ANO3: variants seen among roughly 807,000 people sequenced by gnomAD.
ANO3 encodes anoctamin 3.
Under a neutral mutation model 144.8 loss-of-function variants are expected in ANO3, and 99 were observed. That is an observed-to-expected ratio of 0.68 (90% CI 0.58 to 0.81). The LOEUF is 0.81. ANO3 is among the 30% of genes least tolerant of loss of function. The pLI, the probability that ANO3 is intolerant of heterozygous loss-of-function variation, is 0.00. For missense variants in ANO3, 905 were observed against 1,202.2 expected (o/e 0.75, Z 3.66); for synonymous variants, 414 against 392.6 (o/e 1.05, Z -0.64).
chr11:26,297,138 G>T (rs563583778), intron 1 of ANO3, among the ~76,000 whole-genome samples: 115 of 151,888 alleles, frequency 7.6e-4, no homozygotes, highest in Non-Finnish European at 1.4e-3. Flanking sequence ...CACTGATTGT[G>T]TTCTTTCTTC....
At chr11:26,634,353 A>G (rs1257374861) in intron 19 of ANO3, 38 bp downstream of exon 19, 1 of 1,313,288 alleles carries the variant, frequency 7.6e-7, no homozygotes, top group Non-Finnish European at 1.1e-6. Flanking sequence ...CGCAGAGTGA[A>G]AAACACAGTC....
At chr11:26,272,494 T>C (rs960600084) in intron 1 of ANO3, among the ~76,000 whole-genome samples, 2 of 152,184 alleles carry the variant, frequency 1.3e-5, no homozygotes, top group African/African-American at 4.8e-5. Flanking sequence ...AAGACATACC[T>C]ATAGACTCTA....
At chr11:26,470,210 GA>G (rs1255361965) in intron 4 of ANO3, among the ~76,000 whole-genome samples, 1 of 151,788 alleles carries the variant, frequency 6.6e-6, no homozygotes, top group Non-Finnish European at 1.5e-5. Context: ...AGGAGTTTGA[GA>G]ACAGGCTGAG....
chr11:26,375,173 C>G (rs569344924), intron 1 of ANO3, among the ~76,000 whole-genome samples: 1 of 152,188 alleles, frequency 6.6e-6, no homozygotes, highest in Non-Finnish European at 1.5e-5. Context: ...GATCATCAGA[C>G]ATTAGATTCT....
chr11:26,325,637 C>T (rs1262899446), intron 1 of ANO3, among the ~76,000 whole-genome samples: 1 of 152,104 alleles, frequency 6.6e-6, no homozygotes, highest in Admixed American at 6.6e-5. Flanking sequence ...CTATTTGTCC[C>T]TTCATTATAT....
intron 4 of ANO3, among the ~76,000 whole-genome samples, chr11:26,473,706 T>C (rs1859861408): frequency 6.6e-6 from 1 of 151,860 alleles, no homozygotes; most frequent in African/African-American, 2.4e-5. Context: ...ATACAATAGA[T>C]TATTAATAAT....
intron 14 of ANO3, among the ~76,000 whole-genome samples, chr11:26,597,724 C>T (rs1305955927): frequency 6.6e-6 from 1 of 152,068 alleles, no homozygotes; most frequent in Non-Finnish European, 1.5e-5. Context: ...TAGTTGTGTC[C>T]ACAAAGTCTT....
chr11:26,556,431 G>A (rs1453543768), intron 13 of ANO3, among the ~76,000 whole-genome samples: 1 of 151,774 alleles, frequency 6.6e-6, no homozygotes, highest in African/African-American at 2.4e-5. Flanking sequence ...AACAGAAGTA[G>A]GAGAGAAGCT....
chr11:26,537,340 C>A (rs1043136731), intron 9 of ANO3, 66 bp from the exon 10 acceptor site: 33 of 1,261,110 alleles, frequency 2.6e-5, no homozygotes, highest in Non-Finnish European at 3.6e-5. Context: ...CCGTATATTT[C>A]TGTTGCTTCA....
At chr11:26,534,916 C>T (rs1389528788) in intron 9 of ANO3, among the ~76,000 whole-genome samples, 1 of 152,122 alleles carries the variant, frequency 6.6e-6, no homozygotes, top group African/African-American at 2.4e-5. Context: ...AAATACCTTA[C>T]GTGTCCATGC....
intron 1 of ANO3, among the ~76,000 whole-genome samples, chr11:26,268,132 C>T (rs970342570): frequency 2.6e-5 from 4 of 152,084 alleles, no homozygotes; most frequent in Non-Finnish European, 4.4e-5. Flanking sequence ...CCTGAAGCAC[C>T]ACCAAATATA....
At chr11:26,242,678 G>A (rs1852687524) in intron 1 of ANO3, among the ~76,000 whole-genome samples, 1 of 152,166 alleles carries the variant, frequency 6.6e-6, no homozygotes, top group South Asian at 2.1e-4. Context: ...CAGTTTGATG[G>A]AAATACTAAT....
intron 24 of ANO3, among the ~76,000 whole-genome samples, chr11:26,653,160 A>T (rs1339993435): frequency 6.6e-6 from 1 of 152,112 alleles, no homozygotes; most frequent in African/African-American, 2.4e-5. Context: ...TCTAGCCTTG[A>T]ATATTCCACT....
chr11:26,473,668 A>G (rs1457608879), intron 4 of ANO3, among the ~76,000 whole-genome samples: 1 of 151,862 alleles, frequency 6.6e-6, no homozygotes, highest in East Asian at 1.9e-4. Context: ...CCCACCTCCC[A>G]TGTTAATCTG....
chr11:26,546,238 G>A (rs2703405), intron 11 of ANO3, among the ~76,000 whole-genome samples: 107,895 of 151,624 alleles, frequency 0.71, 38,684 homozygotes, highest in East Asian at 0.84. Context: ...ATTATTGTAT[G>A]AGAAATGAAT....
At chr11:26,464,233 T>G (rs533900834) in intron 4 of ANO3, among the ~76,000 whole-genome samples, 2 of 151,924 alleles carry the variant, frequency 1.3e-5, no homozygotes, top group South Asian at 4.1e-4. Flanking sequence ...TTTATTAAAT[T>G]GCATCAGTAT....
Position 26,547,421 on chromosome 11 carries a change from A to T in ANO3, c.1160A>T (p.Tyr387Phe). 1.2e-6 allele frequency: 2 copies of T among 1,611,454 alleles called. No homozygotes were observed. The highest frequency in any genetic ancestry group is 1.7e-6 in the Non-Finnish European group (2 of 1,178,136). Residue 387 changes from tyrosine to phenylalanine, a missense_variant, in exon 12 of 27, where the codon TAC becomes TTC. Transcript: ENST00000256737. ...GGATTTGCTTTCTCATGCAGGCTATACTTTGGTGAGAAGATTGGACTATAC... is the reference window on the plus strand; with the variant it reads ...GGATTTGCTTTCTCATGCAGGCTATTCTTTGGTGAGAAGATTGGACTATAC... Reference protein sequence around the residue: ...KHQPLDLIRLYFGEKIGLYFA... With the variant: ...KHQPLDLIRLFFGEKIGLYFA...
At chr11:26,234,798 T>C (rs936141981) in intron 1 of ANO3, among the ~76,000 whole-genome samples, 6 of 151,998 alleles carry the variant, frequency 3.9e-5, no homozygotes, top group African/African-American at 1.4e-4. Flanking sequence ...TAGAGTGAGA[T>C]TTATTATAAG....
intron 14 of ANO3, among the ~76,000 whole-genome samples, chr11:26,571,328 TA>T (rs1298321452): frequency 7.2e-5 from 11 of 151,932 alleles, no homozygotes; most frequent in South Asian, 2.1e-4. Flanking sequence ...ATCCTTTTAA[TA>T]AAAAAAGAGG....
Sources: gnomAD v4.1 joint callset for allele counts (sites outside exome capture counted in the v4.1 genomes callset) on GRCh38, gnomAD v4.1.1 for gene constraint, MANE v1.5 for transcripts, NCBI Gene and HGNC (gene_info 2026-07-23, HGNC 2026-07-21) for gene names.